WDR49: variants seen among roughly 807,000 people sequenced by gnomAD.
The protein encoded by WDR49 is cilia- and flagella-associated protein 337.
Under a neutral mutation model 119.5 loss-of-function variants are expected in WDR49, and 107 were observed. The observed-to-expected ratio is 0.90, with a 90% confidence interval of 0.77 to 1.05. The LOEUF (loss-of-function observed/expected upper bound fraction) is 1.05, where lower values mean the gene tolerates loss of function less well. Among genes scored for constraint, WDR49 ranks in the 50% least tolerant of loss-of-function variants. WDR49 has a pLI of 0.00. For missense variants in WDR49, 1,240 were observed against 1,220.5 expected, an observed-to-expected ratio of 1.02 and a Z score of -0.24; for synonymous variants, 425 against 418.8, an observed-to-expected ratio of 1.01 and a Z score of -0.18.
intron 7 of WDR49, among the ~76,000 whole-genome samples, chr3:167,583,929 A>C (rs1439952570): frequency 6.6e-6 from 1 of 152,174 alleles, no homozygotes; most frequent in Non-Finnish European, 1.5e-5. Flanking sequence ...GCATAAAAGG[A>C]AACAAGTCAC....
chr3:167,502,383 G>T (rs189409796), intron 17 of WDR49, among the ~76,000 whole-genome samples: 1 of 152,314 alleles, frequency 6.6e-6, no homozygotes, highest in East Asian at 1.9e-4. Flanking sequence ...CAAGAGTGGG[G>T]CATTGCTATA....
At chr3:167,534,207 AG>A (rs1282667944) in intron 11 of WDR49, among the ~76,000 whole-genome samples, 2 of 152,130 alleles carry the variant, frequency 1.3e-5, no homozygotes, top group Non-Finnish European at 2.9e-5. Flanking sequence ...CCAAAAAAAA[AG>A]AAAAAGAAAG....
rs935364446 is a variant in WDR49, at chr3:167,591,830, T to G, written c.1275+10297A>C. Among the ~76,000 whole-genome samples, 23 of 151,070 alleles carry G rather than the reference T, an allele frequency of 1.5e-4. 1 individual carries two copies. The highest frequency in any genetic ancestry group is 5.6e-4 in the African/African-American group (23 of 41,174). ...GTAGGCAATAGATAATTGGGTCTTG[T>G]TTTTTTTTATCCAATCACTCTGCTA... On this transcript the variant is annotated intron_variant, in intron 7 of 18. Transcript: ENST00000682715.
In WDR49 at chr3:167,626,909, G is replaced by A. The variant is rs894207730; in HGVS notation, c.549C>T (p.Ala183=). The change falls in exon 3 of 19, where the codon GCC becomes GCT. Residue 183 remains alanine (A), a synonymous_variant. Transcript: ENST00000682715. The part of the protein sequence containing the change: ...LQETFPITSD[A]TKLKHLWVTS... ...TCACCCACAGGTGTTTGAGCTTGGT[G>A]GCATCTGAAGTGATGGGGAATGTTT... 2.6e-5 allele frequency: 33 copies of A among 1,268,204 alleles called. No homozygotes were observed. Among genetic ancestry groups the A allele is most frequent in the Non-Finnish European group, 3.2e-5 (32 of 1,007,414 alleles). The allele number at this position is 1,268,204 out of a possible 1,614,324, so 78.6% of individuals were successfully genotyped here.
chr3:167,575,539 A>G (rs1320595909), intron 8 of WDR49, among the ~76,000 whole-genome samples: 2 of 152,236 alleles, frequency 1.3e-5, no homozygotes, highest in Non-Finnish European at 2.9e-5. Flanking sequence ...TGTTTCATGC[A>G]TATTTCAGAA....
intron 3 of WDR49, among the ~76,000 whole-genome samples, chr3:167,623,144 CA>C (rs1173495216): frequency 5.3e-5 from 8 of 151,950 alleles, no homozygotes; most frequent in Admixed American, 4.6e-4. Flanking sequence ...CAAACTCTTC[CA>C]AAAAATTACG....
intron 15 of WDR49, 56 bp from the exon 16 acceptor site, chr3:167,522,540 T>C (rs1752493074): frequency 7.2e-6 from 11 of 1,524,202 alleles, no homozygotes; most frequent in Non-Finnish European, 7.9e-6. Flanking sequence ...TCTTCAAACA[T>C]TTACGTGTGT....
chr3:167,610,002 C>T (rs1031625012), intron 5 of WDR49, among the ~76,000 whole-genome samples: 89 of 152,322 alleles, frequency 5.8e-4, no homozygotes, highest in African/African-American at 2.1e-3. Flanking sequence ...TCATCACCTG[C>T]TAACTGAAGA....
intron 15 of WDR49, among the ~76,000 whole-genome samples, chr3:167,523,568 CCCGGTGAGTGAT>C (rs1752530468): frequency 6.6e-6 from 1 of 152,024 alleles, no homozygotes; most frequent in South Asian, 2.1e-4. Flanking sequence ...CGCAACAGTC[CCCGGTGAGTGAT>C]GTTCCTCTCC....
At chr3:167,618,047 A>G (rs936844862) in intron 5 of WDR49, among the ~76,000 whole-genome samples, 7 of 152,076 alleles carry the variant, frequency 4.6e-5, no homozygotes, top group African/African-American at 1.4e-4. Flanking sequence ...CCTAATATTC[A>G]GTGTCTGATC....
chr3:167,657,076 C>T (rs1010040222), upstream of WDR49, among the ~76,000 whole-genome samples: 1 of 152,170 alleles, frequency 6.6e-6, no homozygotes, highest in Non-Finnish European at 1.5e-5. Flanking sequence ...CACCCAAATC[C>T]CTGCTCTCTC....
Position 167,537,073 on chromosome 3 carries a change from G to A in WDR49, c.1824-73C>T, listed in dbSNP as rs551244810. Reference sequence around the variant, plus strand: ...GACATTGAGTAGCCACTATCCACTTGAATGATGTGATCCAAGACTTTTAAA... The same window carrying A: ...GACATTGAGTAGCCACTATCCACTTAAATGATGTGATCCAAGACTTTTAAA... On this transcript the variant is annotated intron_variant, in intron 10 of 18. Transcript: ENST00000682715. 119 of 1,369,564 alleles carry A rather than the reference G, an allele frequency of 8.7e-5. No individual in the cohort carries two copies. In the African/African-American group the frequency reaches 9.2e-4, roughly 11 times the overall value. The allele number at this position is 1,369,564 out of a possible 1,614,324, so 84.8% of individuals were successfully genotyped here. A position where few individuals can be genotyped will look rare whatever the true frequency, so the allele number is the denominator to read the frequency against.
chr3:167,626,798 C>T, intron 3 of WDR49, 54 bp downstream of exon 3: 1 of 1,213,604 alleles, frequency 8.2e-7, no homozygotes, highest in Non-Finnish European at 1.0e-6. Context: ...GAGCCCTGCC[C>T]CATAAGTTTT....
In WDR49 at chr3:167,597,283, T is replaced by G. The variant is rs571871066; in HGVS notation, c.1275+4844A>C. ...GTGCAAGCTCCAAGCATTGGCAGCT[T>G]CCACATGGTGTTGAGCCTGTGGGTG... On this transcript the variant is annotated intron_variant, in intron 7 of 18. Transcript: ENST00000682715. Among the ~76,000 whole-genome samples, 200 of 152,356 alleles carry G rather than the reference T, an allele frequency of 1.3e-3. 2 individuals carry two copies. Among genetic ancestry groups the G allele is most frequent in the African/African-American group, 4.7e-3 (195 of 41,584 alleles).
At chr3:167,560,608 A>T (rs1017048061) in intron 8 of WDR49, among the ~76,000 whole-genome samples, 9 of 152,356 alleles carry the variant, frequency 5.9e-5, no homozygotes, top group Middle Eastern at 3.4e-3. Flanking sequence ...GAAACATTTT[A>T]TAATATAGCA....
intron 16 of WDR49, among the ~76,000 whole-genome samples, chr3:167,518,999 A>G (rs140160264): frequency 2.7e-3 from 407 of 152,176 alleles, no homozygotes; most frequent in African/African-American, 9.1e-3. Flanking sequence ...GAAGACATTT[A>G]TGCAACCAAC....
intron 6 of WDR49, 94 bp from the exon 7 acceptor site, chr3:167,602,369 T>C (rs1016356726): frequency 8.7e-7 from 1 of 1,145,606 alleles, no homozygotes; most frequent in Non-Finnish European, 1.2e-6. Context: ...TAACTCTAGC[T>C]TGATGAATGT....
chr3:167,501,447 GT>G (rs1751560889), intron 17 of WDR49, among the ~76,000 whole-genome samples: 1 of 152,124 alleles, frequency 6.6e-6, no homozygotes, highest in African/African-American at 2.4e-5. Flanking sequence ...CCAGGCAGTA[GT>G]CAAAGTGCTT....
chr3:167,546,459 G>T (rs1169213079), intron 10 of WDR49, among the ~76,000 whole-genome samples: 2 of 151,884 alleles, frequency 1.3e-5, no homozygotes, highest in African/African-American at 4.8e-5. Flanking sequence ...TAAAATTAAA[G>T]TTCAGAATGA....
Sources: gnomAD v4.1 joint callset for allele counts (sites outside exome capture counted in the v4.1 genomes callset) on GRCh38, gnomAD v4.1.1 for gene constraint, MANE v1.5 for transcripts, NCBI Gene and HGNC (gene_info 2026-07-23, HGNC 2026-07-21) for gene names.